The following PAX5 variants were observed in gnomAD, a reference collection of about 807,000 sequenced individuals.
PAX5 encodes paired box 5.
PAX5 carries 9 observed loss-of-function variants against 43.7 expected under a neutral mutation model. The observed-to-expected ratio is 0.21, with a 90% CI of 0.12 to 0.36. The LOEUF is 0.36. Among genes scored for constraint, PAX5 ranks in the 10% least tolerant of loss-of-function variants. The pLI, the probability that PAX5 is intolerant of heterozygous loss-of-function variation, is 1.00. For missense variants in PAX5, 383 were observed against 532.7 expected, an observed-to-expected ratio of 0.72 and a Z score of 2.77; for synonymous variants, 228 against 214.3, an observed-to-expected ratio of 1.06 and a Z score of -0.56.
intron 8 of PAX5, among the ~76,000 whole-genome samples, chr9:36,868,251 G>A (rs1458544906): frequency 6.6e-6 from 1 of 152,214 alleles, no homozygotes; most frequent in East Asian, 1.9e-4. Context: ...ACTCTGGACC[G>A]GGCAAGATGG....
At chr9:37,009,549 G>A (rs563971384) in intron 3 of PAX5, among the ~76,000 whole-genome samples, 17 of 152,192 alleles carry the variant, frequency 1.1e-4, no homozygotes, top group Admixed American at 6.5e-4. Context: ...AGGCGAGGGC[G>A]GTGGGGGAGT....
At chr9:36,917,190 T>C (rs751287878) in intron 7 of PAX5, among the ~76,000 whole-genome samples, 7 of 152,206 alleles carry the variant, frequency 4.6e-5, no homozygotes, top group Non-Finnish European at 1.0e-4. Context: ...ACTTTAAAAC[T>C]CAATGCATGC....
chr9:36,916,965 G>A (rs909971388), intron 7 of PAX5, among the ~76,000 whole-genome samples: 4 of 152,018 alleles, frequency 2.6e-5, no homozygotes, highest in African/African-American at 7.2e-5. Flanking sequence ...GATTACAGGC[G>A]CGAGCCACTG....
At chr9:37,019,389 C>T (rs188054734) in intron 2 of PAX5, among the ~76,000 whole-genome samples, 10 of 152,264 alleles carry the variant, frequency 6.6e-5, no homozygotes, top group Non-Finnish European at 1.2e-4. Flanking sequence ...ACAGCCCCCA[C>T]AGCTCAGGTA....
chr9:36,987,408 C>G (rs1395462598), intron 5 of PAX5, among the ~76,000 whole-genome samples: 3 of 152,244 alleles, frequency 2.0e-5, no homozygotes, highest in African/African-American at 7.2e-5. Flanking sequence ...TACAATGATA[C>G]TCTCATAGGC....
At chr9:37,026,585 C>G (rs999226357) in intron 1 of PAX5, 2 of 1,346,816 alleles carry the variant, frequency 1.5e-6, no homozygotes, top group Non-Finnish European at 2.0e-6. Flanking sequence ...TCGGGGCGCT[C>G]CAGACTGCAG....
chr9:36,997,741 G>A (rs1244699420), intron 5 of PAX5, among the ~76,000 whole-genome samples: 3 of 152,244 alleles, frequency 2.0e-5, no homozygotes, highest in Admixed American at 6.5e-5. Context: ...CTGACCCTCA[G>A]AGCCATCCCG....
chr9:36,885,331 C>T (rs946366655), intron 7 of PAX5, among the ~76,000 whole-genome samples: 4 of 152,198 alleles, frequency 2.6e-5, no homozygotes, highest in Non-Finnish European at 4.4e-5. Flanking sequence ...CATGTCAAGT[C>T]TGCCCAGGCT....
intron 5 of PAX5, among the ~76,000 whole-genome samples, chr9:36,986,334 C>G (rs1166432783): frequency 6.8e-6 from 1 of 147,258 alleles, no homozygotes; most frequent in Non-Finnish European, 1.5e-5. Flanking sequence ...GCCGCCGCCT[C>G]CACGCTGCGC....
intron 6 of PAX5, 105 bp downstream of exon 6, chr9:36,966,444 C>G (rs1834442385): frequency 1.4e-5 from 17 of 1,217,878 alleles, no homozygotes; most frequent in Non-Finnish European, 1.7e-5. Context: ...TGAGCAGAAC[C>G]TGGTGTGCCC....
At chr9:36,868,851 T>A (rs4880023) in intron 8 of PAX5, among the ~76,000 whole-genome samples, 15 of 151,944 alleles carry the variant, frequency 9.9e-5, no homozygotes, top group African/African-American at 3.4e-4. Flanking sequence ...ATGGATATGC[T>A]CACTCCAACC....
At chr9:36,956,062 C>CT (rs1486556592) in intron 6 of PAX5, among the ~76,000 whole-genome samples, 3 of 151,874 alleles carry the variant, frequency 2.0e-5, no homozygotes, top group Admixed American at 6.6e-5. Flanking sequence ...GTTCTTTTGT[C>CT]TTTTTTTTGA....
At chr9:36,901,060 C>CT in intron 7 of PAX5, among the ~76,000 whole-genome samples, 1 of 152,164 alleles carries the variant, frequency 6.6e-6, no homozygotes, top group Non-Finnish European at 1.5e-5. Context: ...CTCTCCTGGG[C>CT]TTTTACAGCC....
intron 7 of PAX5, among the ~76,000 whole-genome samples, chr9:36,893,841 T>G (rs941139144): frequency 6.6e-6 from 1 of 152,242 alleles, no homozygotes; most frequent in African/African-American, 2.4e-5. Flanking sequence ...AAGATGAACC[T>G]TTGTCATCAG....
At chr9:36,840,680 C>G in intron 9 of PAX5, 44 bp from the exon 10 acceptor site, 1 of 1,287,574 alleles carries the variant, frequency 7.8e-7, no homozygotes, top group Non-Finnish European at 1.1e-6. Flanking sequence ...TCCGGGGTCC[C>G]CTTTCCACCA....
At chr9:36,891,877 G>A (rs1192272090) in intron 7 of PAX5, among the ~76,000 whole-genome samples, 1 of 152,110 alleles carries the variant, frequency 6.6e-6, no homozygotes, top group Non-Finnish European at 1.5e-5. Flanking sequence ...CACTAACCAG[G>A]GAGCTGTTTA....
intron 7 of PAX5, among the ~76,000 whole-genome samples, chr9:36,900,586 C>T (rs1828289852): frequency 6.6e-6 from 1 of 152,194 alleles, no homozygotes; most frequent in Non-Finnish European, 1.5e-5. Flanking sequence ...AGATGGAGCG[C>T]ATCTGTGGCG....
rs768086715 is a variant in PAX5 at position 36,839,909 on chromosome 9, G to A, written c.*651C>T. 1.0e-3 allele frequency: 246 copies of A among 234,836 alleles called. 1 individual carries two copies. The highest frequency in any genetic ancestry group is 1.3e-3 in the Middle Eastern group (1 of 784). The allele number at this position is 234,836 out of a possible 1,614,324, so 14.5% of individuals were successfully genotyped here. ...CTCCTCTTGGAGAGGGGCCTCAGGG[G>A]GAGCCTGCAGCACAACCAGCCCAGT... On this transcript the variant is annotated 3_prime_UTR_variant, in exon 10 of 10. Coordinates refer to ENST00000358127, the MANE Select transcript of PAX5 (RefSeq NM_016734.3).
chr9:36,863,225 C>T (rs1325414082), intron 8 of PAX5, among the ~76,000 whole-genome samples: 1 of 152,208 alleles, frequency 6.6e-6, no homozygotes, highest in African/African-American at 2.4e-5. Context: ...TCTTCAAAGA[C>T]AGACCCGCCT....
Sources: allele counts gnomAD v4.1 joint callset (sites outside exome capture counted in the v4.1 genomes callset), GRCh38; gene constraint gnomAD v4.1.1; transcripts MANE v1.5; gene names NCBI Gene and HGNC (gene_info 2026-07-23, HGNC 2026-07-21).